The following ZNF362 variants were observed in gnomAD, a reference collection of about 807,000 sequenced individuals.
ZNF362 encodes rotund homolog.
ZNF362 carries 11 observed loss-of-function variants against 42.9 expected under a neutral mutation model. That is an observed-to-expected ratio of 0.26 (90% CI 0.16 to 0.42). ZNF362 has a LOEUF of 0.42. ZNF362 is among the 20% of genes least tolerant of loss of function. ZNF362 has a pLI of 1.00. For missense variants in ZNF362, 362 were observed against 576.2 expected (o/e 0.63, Z 3.81); for synonymous variants, 255 against 257.3 (o/e 0.99, Z 0.09).
At chr1:33,235,639 A>G in the ZNF362 span, among the ~76,000 whole-genome samples, 61 of 152,278 alleles carry the variant, frequency 4.0e-4, no homozygotes, top group African/African-American at 1.5e-3. Context: ...ATTGGGCTCA[A>G]TGCTGAATAC....
At chr1:33,200,892 T>G in the ZNF362 span, among the ~76,000 whole-genome samples, 2 of 152,190 alleles carry the variant, frequency 1.3e-5, no homozygotes, top group African/African-American at 4.8e-5. Flanking sequence ...CTACTATGAC[T>G]GGTGTCTTTG....
the ZNF362 span, among the ~76,000 whole-genome samples, chr1:33,173,911 A>G: frequency 6.6e-6 from 1 of 151,846 alleles, no homozygotes; most frequent in African/African-American, 2.4e-5. Context: ...GTTGCCCAGG[A>G]TGGTCTCGAA....
At chr1:33,233,406 CTTTTT>C in the ZNF362 span, among the ~76,000 whole-genome samples, 1 of 144,508 alleles carries the variant, frequency 6.9e-6, no homozygotes, top group African/African-American at 2.5e-5. Flanking sequence ...CCTTCTCACA[CTTTTT>C]TTTTTTTTTT....
the ZNF362 span, chr1:33,165,603 C>G: frequency 2.6e-6 from 4 of 1,548,530 alleles, no homozygotes; most frequent in African/African-American, 5.5e-5. The surrounding 1 kb of genome is among the most constrained non-coding windows in gnomAD (Gnocchi z 4.0). Flanking sequence ...GGGCAGGGGC[C>G]ATGCCTGGCC....
At chr1:33,258,664 C>T (rs1041653543) in intron 1 of ZNF362, among the ~76,000 whole-genome samples, 1 of 152,162 alleles carries the variant, frequency 6.6e-6, no homozygotes. Context: ...GCCTGGACCC[C>T]TGGAAGATCC....
the ZNF362 span, among the ~76,000 whole-genome samples, chr1:33,192,194 T>A: frequency 6.6e-6 from 1 of 152,174 alleles, no homozygotes; most frequent in African/African-American, 2.4e-5. Flanking sequence ...ACTTCAATGG[T>A]ACTTAACAAC....
intron 1 of ZNF362, among the ~76,000 whole-genome samples, chr1:33,265,078 T>C (rs1427175272): frequency 6.6e-6 from 1 of 151,794 alleles, no homozygotes; most frequent in Non-Finnish European, 1.5e-5. Context: ...ATTATTATTA[T>C]TGCCATCATC....
At chr1:33,177,612 T>C in the ZNF362 span, among the ~76,000 whole-genome samples, 4 of 152,206 alleles carry the variant, frequency 2.6e-5, no homozygotes, top group Non-Finnish European at 5.9e-5. The surrounding 1 kb of genome is among the most constrained non-coding windows in gnomAD (Gnocchi z 4.1). Flanking sequence ...AGAGGTGATT[T>C]TGACTCTAGG....
At chr1:33,189,679 A>T in the ZNF362 span, among the ~76,000 whole-genome samples, 2 of 47,050 alleles carry the variant, frequency 4.3e-5, 1 homozygote, top group Non-Finnish European at 9.3e-5. Flanking sequence ...ATATGTATAT[A>T]TATACGTATA....
the ZNF362 span, among the ~76,000 whole-genome samples, chr1:33,136,118 C>CCTTCCTTG: frequency 4.5e-3 from 149 of 33,082 alleles, 1 homozygote; most frequent in African/African-American, 0.013. Flanking sequence ...GCCAGCCCTT[C>CCTTCCTTG]CTTCCTTCCT....
chr1:33,145,742 G>T, the ZNF362 span: 1 of 400,070 alleles, frequency 2.5e-6, no homozygotes. Flanking sequence ...GGCAGGGATA[G>T]AGCCAAGGGG....
intron 1 of ZNF362, among the ~76,000 whole-genome samples, chr1:33,257,728 A>C (rs1275224781): frequency 6.6e-6 from 1 of 151,730 alleles, no homozygotes; most frequent in Non-Finnish European, 1.5e-5. Context: ...TCCAGCAAAG[A>C]CCCCTGGCAT....
the ZNF362 span, chr1:33,181,716 C>A: frequency 2.3e-6 from 1 of 439,730 alleles, no homozygotes; most frequent in East Asian, 4.8e-5. This position sits in a 1 kb window ranked among gnomAD's most constrained non-coding sequence, Gnocchi z 6.5. Context: ...GGCTGAGGGA[C>A]GGAGATCCTG....
At position 33,294,699 on chromosome 1, in the gene ZNF362, C is replaced by G. The variant is rs149179563; in HGVS notation, c.909-238C>G. Among the ~76,000 whole-genome samples, 5 of 152,254 alleles carry G rather than the reference C, an allele frequency of 3.3e-5. No homozygotes were observed. Among genetic ancestry groups the G allele is most frequent in the Middle Eastern group, 3.4e-3 (1 of 294 alleles). On this transcript the variant is annotated intron_variant, in intron 6 of 8. Transcript: ENST00000539719. This position sits in a 1 kb window ranked among gnomAD's most constrained non-coding sequence, Gnocchi z 4.2. ...AAGGGCTCTGGTGGTGGGCTGGGGA[C>G]AGCTGGGACCTGTGGGAAGTAGGAG...
intron 1 of ZNF362, among the ~76,000 whole-genome samples, chr1:33,257,670 A>G (rs1173758248): frequency 6.6e-6 from 1 of 151,936 alleles, no homozygotes; most frequent in Non-Finnish European, 1.5e-5. Context: ...AGATCCTCAG[A>G]TCTGGGGGAG....
chr1:33,276,074 C>A (rs773004820), intron 2 of ZNF362, 26 bp from the exon 3 acceptor site: 9 of 1,613,610 alleles, frequency 5.6e-6, no homozygotes, highest in Non-Finnish European at 7.6e-6. Context: ...GCTCTCTTCC[C>A]GGTGACAGTC....
intron 4 of ZNF362, among the ~76,000 whole-genome samples, chr1:33,277,364 C>T (rs974132745): frequency 6.6e-6 from 1 of 152,202 alleles, no homozygotes; most frequent in Non-Finnish European, 1.5e-5. Context: ...GAGCCTGTAT[C>T]TTCACTCTGT....
the ZNF362 span, among the ~76,000 whole-genome samples, chr1:33,209,435 C>T: frequency 1.3e-5 from 2 of 152,172 alleles, no homozygotes; most frequent in Non-Finnish European, 2.9e-5. Flanking sequence ...ATGCTGGCCT[C>T]ATAAAATGAG....
chr1:33,163,783 C>T, the ZNF362 span: 1 of 152,424 alleles, frequency 6.6e-6, no homozygotes, highest in Non-Finnish European at 1.5e-5. Context: ...GCAGGAAAGC[C>T]GAGTCAGGCA....
Sources: allele counts gnomAD v4.1 joint callset (sites outside exome capture counted in the v4.1 genomes callset), GRCh38; gene constraint gnomAD v4.1.1; non-coding constraint Gnocchi (gnomAD v3.1); transcripts MANE v1.5; gene names NCBI Gene and HGNC (gene_info 2026-07-23, HGNC 2026-07-21).